AQP7B: variants seen among roughly 807,000 people sequenced by gnomAD.
AQP7B encodes the protein aquaporin 7B.
the AQP7B span, among the ~76,000 whole-genome samples, chr2:94,597,312 T>C: frequency 6.6e-6 from 1 of 152,186 alleles, no homozygotes; most frequent in Non-Finnish European, 1.5e-5. Flanking sequence ...GGGTGCATCC[T>C]CTGAGAGCTG....
chr2:94,592,518 C>T, the AQP7B span, among the ~76,000 whole-genome samples: 1 of 152,050 alleles, frequency 6.6e-6, no homozygotes, highest in Admixed American at 6.6e-5. Context: ...TCTCATTATC[C>T]CATGACCAGC....
chr2:94,589,865 C>T, the AQP7B span, among the ~76,000 whole-genome samples: 2 of 152,110 alleles, frequency 1.3e-5, no homozygotes, highest in Non-Finnish European at 1.5e-5. Context: ...AGGTCATGTC[C>T]TTGATACTTC....
the AQP7B span, among the ~76,000 whole-genome samples, chr2:94,597,605 C>G: frequency 6.7e-6 from 1 of 148,152 alleles, no homozygotes; most frequent in African/African-American, 2.5e-5. Context: ...ATATCACAGT[C>G]TTTTTTGTTT....
chr2:94,589,364 T>A, the AQP7B span, among the ~76,000 whole-genome samples: 1 of 152,052 alleles, frequency 6.6e-6, no homozygotes, highest in Non-Finnish European at 1.5e-5. Context: ...TGGTGACTAT[T>A]CCCTCCATCT....
At chr2:94,593,393 G>A in the AQP7B span, among the ~76,000 whole-genome samples, 1 of 151,900 alleles carries the variant, frequency 6.6e-6, no homozygotes. Flanking sequence ...GAGTTGAGGG[G>A]CTGGTGTCAG....
the AQP7B span, chr2:94,603,381 A>G: frequency 6.2e-7 from 1 of 1,603,270 alleles, no homozygotes; most frequent in Admixed American, 1.7e-5. Flanking sequence ...GTGTCTCCGC[A>G]GCGGCCATTC....
chr2:94,601,121 T>G, the AQP7B span, among the ~76,000 whole-genome samples: 1 of 152,090 alleles, frequency 6.6e-6, no homozygotes, highest in Non-Finnish European at 1.5e-5. Context: ...AGTCGTTTGG[T>G]TTGAGGCCAT....
chr2:94,588,183 G>T, the AQP7B span, among the ~76,000 whole-genome samples: 4 of 152,068 alleles, frequency 2.6e-5, no homozygotes, highest in Non-Finnish European at 5.9e-5. Context: ...CAAATATGAG[G>T]CTGGAGCCAC....
chr2:94,595,639 T>A, the AQP7B span, among the ~76,000 whole-genome samples: 1 of 151,860 alleles, frequency 6.6e-6, no homozygotes, highest in Non-Finnish European at 1.5e-5. Flanking sequence ...AGGGAACAAG[T>A]TAAGAGGCTG....
At chr2:94,600,212 C>T in the AQP7B span, among the ~76,000 whole-genome samples, 1 of 152,160 alleles carries the variant, frequency 6.6e-6, no homozygotes, top group Non-Finnish European at 1.5e-5. Flanking sequence ...GGGCCTTCTC[C>T]TCTGACGGCT....
the AQP7B span, among the ~76,000 whole-genome samples, chr2:94,593,964 G>T: frequency 4.3e-4 from 66 of 152,244 alleles, 1 homozygote; most frequent in East Asian, 0.013. Flanking sequence ...AAGCTCTGAG[G>T]ATCTAGTTGA....
the AQP7B span, chr2:94,603,365 T>C: frequency 6.9e-6 from 11 of 1,594,084 alleles, no homozygotes; most frequent in African/African-American, 2.7e-5. Context: ...GTTCGCATGA[T>C]AGTCTGTGTC....
chr2:94,603,032 C>G, the AQP7B span: 1 of 1,594,864 alleles, frequency 6.3e-7, no homozygotes, highest in Non-Finnish European at 8.6e-7. Context: ...GCCTGCTGCC[C>G]GCAGGAGCCC....
the AQP7B span, chr2:94,602,605 C>T: frequency 6.3e-7 from 1 of 1,595,112 alleles, no homozygotes; most frequent in Admixed American, 1.7e-5. Context: ...ACGTGGCAGG[C>T]CGCATCTCTG....
At chr2:94,599,067 G>A in the AQP7B span, among the ~76,000 whole-genome samples, 1 of 152,206 alleles carries the variant, frequency 6.6e-6, no homozygotes, top group African/African-American at 2.4e-5. Flanking sequence ...CTCCCAAAGT[G>A]CTGGGATTAC....
the AQP7B span, chr2:94,594,925 G>T: frequency 9.2e-7 from 1 of 1,084,588 alleles, no homozygotes; most frequent in South Asian, 1.4e-5. Context: ...GGCTGTCCAT[G>T]ACCCCCTCCC....
the AQP7B span, chr2:94,602,641 C>T: frequency 6.4e-7 from 1 of 1,568,240 alleles, no homozygotes; most frequent in Admixed American, 1.7e-5. Flanking sequence ...GCCTACCAGA[C>T]TGGGCAAGAC....
the AQP7B span, among the ~76,000 whole-genome samples, chr2:94,602,243 C>A: frequency 6.6e-6 from 1 of 151,910 alleles, no homozygotes; most frequent in African/African-American, 2.4e-5. Flanking sequence ...GGATGTTTGT[C>A]GTAAGAGCTT....
At chr2:94,592,796 CTG>C in the AQP7B span, among the ~76,000 whole-genome samples, 7 of 134,448 alleles carry the variant, frequency 5.2e-5, no homozygotes, top group Non-Finnish European at 1.1e-4. Flanking sequence ...GGAAGAAAAA[CTG>C]TTAATTAATT....
Sources: allele counts gnomAD v4.1 joint callset (sites outside exome capture counted in the v4.1 genomes callset), GRCh38; gene constraint gnomAD v4.1.1; transcripts MANE v1.5; gene names NCBI Gene and HGNC (gene_info 2026-07-23, HGNC 2026-07-21).